Variants in ASCC2 observed in about 807,000 individuals in gnomAD.
The protein encoded by ASCC2 is activating signal cointegrator 1 complex subunit 2, also known as ASC-1 complex subunit P100.
In ASCC2, 42 loss-of-function variants were observed where a neutral mutation model predicts 93.5. The observed-to-expected ratio is 0.45, with a 90% CI of 0.35 to 0.58. The LOEUF (loss-of-function observed/expected upper bound fraction) is 0.58, where lower values mean the gene tolerates loss of function less well. ASCC2 is among the 20% of genes least tolerant of loss of function. The pLI, the probability that ASCC2 is intolerant of heterozygous loss-of-function variation, is 0.00. For missense variants in ASCC2, 859 were observed against 977.6 expected (o/e 0.88, Z 1.62); for synonymous variants, 364 against 384.2 (o/e 0.95, Z 0.62).
chr22:29,821,666 A>G (rs557965827), intron 5 of ASCC2, among the ~76,000 whole-genome samples: 1 of 152,304 alleles, frequency 6.6e-6, no homozygotes, highest in East Asian at 1.9e-4. Flanking sequence ...AAACTTCCCC[A>G]TTCCTATGTC....
rs375947944 is a variant in ASCC2, at chr22:29,832,587, C to CTTTTT, written c.-17-250_-17-246dup. The stretch of plus-strand genomic sequence containing the variant: ...ATGACTTCTGATATATTTCCACCCA[C>CTTTTT]TTTTTTTTTTTTTTTTTGAGATGGA... On this transcript the variant is annotated intron_variant, in intron 1 of 19. Transcript: ENST00000307790. The CTTTTT allele has an allele frequency of 6.0e-5, 12 of 200,284 alleles. No individual in the cohort carries two copies. The East Asian group carries it at 7.0e-4, about 12-fold the overall frequency. The allele number at this position is 200,284 out of a possible 1,614,324, so 12.4% of individuals were successfully genotyped here.
At chr22:29,806,617 CA>C (rs1320907687) in intron 10 of ASCC2, 64 bp from the exon 11 acceptor site, 5 of 1,521,214 alleles carry the variant, frequency 3.3e-6, no homozygotes, top group Non-Finnish European at 4.5e-6. Flanking sequence ...CTCCTTTACA[CA>C]CCCGCTGCCC....
At position 29,825,817 on chromosome 22, in the gene ASCC2, G is replaced by T. The variant is rs370619549; in HGVS notation, c.82-37C>A. ...AAAACCACGTGTTAACGTGGCAGAG[G>T]TTAGTCAGCGAGGGCCCATTTGCCA... On this transcript the variant is annotated intron_variant, in intron 2 of 19. Transcript: ENST00000307790. The surrounding 1 kb of genome is among the most constrained non-coding windows in gnomAD (Gnocchi z 4.9). 6.4e-6 allele frequency: 10 copies of T among 1,574,000 alleles called. No individual in the cohort carries two copies. Among genetic ancestry groups the T allele is most frequent in the African/African-American group, 1.4e-5 (1 of 74,006 alleles).
At chr22:29,793,713 A>T in intron 15 of ASCC2, 37 bp from the exon 16 acceptor site, 11 of 1,539,334 alleles carry the variant, frequency 7.1e-6, no homozygotes, top group Non-Finnish European at 9.6e-6. Flanking sequence ...AAGGAAAACC[A>T]TCAGGCTTGG....
Position 29,825,764 on chromosome 22 carries a change from G to C in ASCC2, c.98C>G (p.Ala33Gly). The C allele has an allele frequency of 6.2e-7, 1 of 1,610,176 alleles. No individual in the cohort carries two copies. Among genetic ancestry groups the C allele is most frequent in the Non-Finnish European group, 8.5e-7 (1 of 1,176,694 alleles). Residue 33 changes from alanine (A) to glycine (G), a missense_variant, in exon 3 of 20, where the codon GCA becomes GGA. Physicochemically the swap from Ala to Gly is moderately conservative, Grantham distance 60. Transcript: ENST00000307790. The surrounding 1 kb of genome is among the most constrained non-coding windows in gnomAD (Gnocchi z 4.9). Reference protein sequence around the residue: ...TSPALHPEQKADRYFVLYKPP... With the variant: ...TSPALHPEQKGDRYFVLYKPP... ...TTTGTATAACACAAAATACCGGTCT[G>C]CCTTCTGCTCGGGGTGCTACGGATC... is the stretch of plus-strand genomic sequence containing the variant.
Position 29,793,658 on chromosome 22 carries a change from G to A in ASCC2, c.1707C>T (p.Asn569=). The A allele has an allele frequency of 3.2e-6, 5 of 1,575,374 alleles. No homozygotes were observed. The highest frequency in any genetic ancestry group is 4.3e-6 in the Non-Finnish European group (5 of 1,161,666). ...HKGKSTRKEE[N]TRSLLNDKRA... ...GCTTGTCGTTCAGCAAACTCCGCGT[G>A]TTTTCCTCCTTCCTGGTGCTGAGAA... is the stretch of plus-strand genomic sequence containing the variant. The change falls in exon 16 of 20, where the codon AAC becomes AAT. Residue 569 remains asparagine (N), a synonymous_variant. Coordinates refer to ENST00000307790, the MANE Select transcript of ASCC2 (RefSeq NM_032204.5).
intron 5 of ASCC2, among the ~76,000 whole-genome samples, chr22:29,818,479 G>T (rs1247053569): frequency 1.1e-5 from 1 of 89,554 alleles, no homozygotes. Flanking sequence ...CACACACACA[G>T]TGAAGGGGCT....
At chr22:29,836,783 C>CCT (rs1264657508) in intron 1 of ASCC2, among the ~76,000 whole-genome samples, 2 of 152,136 alleles carry the variant, frequency 1.3e-5, no homozygotes, top group Non-Finnish European at 1.5e-5. Flanking sequence ...GAACTCCTGA[C>CCT]CTCAGGTGAT....
chr22:29,806,543 T>C lies in ASCC2; in HGVS notation c.1027A>G (p.Ile343Val). The stretch of plus-strand genomic sequence containing the variant: ...AGGAACTCTTCGATGAAGCCCTGAA[T>C]GTTGTCACAGCTAGAACAAGACACC... Reference protein sequence around the residue: ...LPILESSCDNIQGFIEEFLQI... With the variant: ...LPILESSCDNVQGFIEEFLQI... The change falls in exon 11 of 20, where the codon ATT becomes GTT. Residue 343 changes from isoleucine (I) to valine (V), a missense_variant. Physicochemically the swap from Ile to Val is conservative, Grantham distance 29 (BLOSUM62 3). Transcript: ENST00000307790. 6.2e-7 allele frequency: 1 copy of C among 1,613,626 alleles called. No homozygotes were observed. The highest frequency in any genetic ancestry group is 8.5e-7 in the Non-Finnish European group (1 of 1,179,756).
intron 6 of ASCC2, 56 bp from the exon 7 acceptor site, chr22:29,814,823 CT>C: frequency 2.8e-6 from 4 of 1,425,368 alleles, no homozygotes; most frequent in Non-Finnish European, 3.9e-6. Flanking sequence ...GCTAGGACCC[CT>C]GGCAGCAGCC....
At chr22:29,809,818 C>T (rs528701493) in intron 8 of ASCC2, 37 of 151,166 alleles carry the variant, frequency 2.4e-4, no homozygotes, top group Middle Eastern at 3.4e-3. Flanking sequence ...ATAATTTATA[C>T]GAAATTATTT....
At chr22:29,805,901 ATC>A (rs1177862880) in intron 12 of ASCC2, among the ~76,000 whole-genome samples, 1 of 151,294 alleles carries the variant, frequency 6.6e-6, no homozygotes, top group Non-Finnish European at 1.5e-5. Context: ...GTGACACTCT[ATC>A]TAACTGCCTG....
At chr22:29,813,658 G>A (rs145545955) in intron 7 of ASCC2, 116 bp from the exon 8 acceptor site, 1 of 713,486 alleles carries the variant, frequency 1.4e-6, no homozygotes, top group Non-Finnish European at 2.4e-6. Context: ...TGTTACACAG[G>A]AGGAAAAGAA....
rs944369049 is a variant in ASCC2, at chr22:29,825,466, T to C, written c.240+156A>G. The C allele has an allele frequency of 3.0e-5, 36 of 1,209,906 alleles. No homozygotes were observed. Among genetic ancestry groups the C allele is most frequent in the Non-Finnish European group, 3.6e-5 (31 of 852,442 alleles). The allele number at this position is 1,209,906 out of a possible 1,614,324, so 74.9% of individuals were successfully genotyped here. A position where few individuals can be genotyped will look rare whatever the true frequency, so the allele number is the denominator to read the frequency against. ...AGGTGTGTAAACATTAAGATTGTGA[T>C]ACAAGACAGAGCAATCCGAACCACA... is the stretch of plus-strand genomic sequence containing the variant. On this transcript the variant is annotated intron_variant, in intron 3 of 19. Coordinates refer to ENST00000307790, the MANE Select transcript of ASCC2 (RefSeq NM_032204.5). This position sits in a 1 kb window ranked among gnomAD's most constrained non-coding sequence, Gnocchi z 4.9.
At chr22:29,790,622 T>C in intron 18 of ASCC2, 74 bp from the exon 19 acceptor site, 20 of 1,480,514 alleles carry the variant, frequency 1.4e-5, no homozygotes, top group Non-Finnish European at 1.9e-5. Context: ...GAGGCCCTGC[T>C]CAAGTGAAGC....
chr22:29,806,638 G>T, intron 10 of ASCC2, 85 bp from the exon 11 acceptor site: 1 of 1,474,736 alleles, frequency 6.8e-7, no homozygotes, highest in Non-Finnish European at 9.4e-7. Flanking sequence ...CCTCTTTAAG[G>T]CTGGGGCCCA....
rs907683619 is a variant in ASCC2, at chr22:29,816,133, G to C, written c.542-60C>G. On this transcript the variant is annotated intron_variant, in intron 5 of 19. Transcript: ENST00000307790. ...AGGTGGGGGCTCGGGGCAGTGAAGA[G>C]GACACATTACAAATGGTTGCCAGCA... The C allele has an allele frequency of 2.2e-6, 3 of 1,357,766 alleles. No individual in the cohort carries two copies. In the Admixed American group the frequency reaches 5.9e-5, roughly 27 times the overall value. 84.1% of individuals were successfully genotyped at this position (1,357,766 alleles called of 1,614,324 possible). A position where few individuals can be genotyped will look rare whatever the true frequency, so the allele number is the denominator to read the frequency against.
chr22:29,815,947 T>C lies in ASCC2; in HGVS notation c.609+59A>G. ...GGAAAGTCAGGCAACACCATTGAGT[T>C]GGGGAGGTGGCCTATCCTCCAAGCT... On this transcript the variant is annotated intron_variant, in intron 6 of 19. Transcript: ENST00000307790. 3 of 1,399,720 alleles carry C rather than the reference T, an allele frequency of 2.1e-6. No homozygotes were observed. In the Admixed American group the frequency reaches 6.0e-5, roughly 28 times the overall value. 86.7% of individuals were successfully genotyped at this position (1,399,720 alleles called of 1,614,324 possible). A position where few individuals can be genotyped will look rare whatever the true frequency, so the allele number is the denominator to read the frequency against.
intron 8 of ASCC2, 69 bp downstream of exon 8, chr22:29,813,342 CAGTAAATATTTGTTAAATG>C (rs1345864467): frequency 6.2e-6 from 6 of 971,192 alleles, no homozygotes; most frequent in African/African-American, 3.2e-5. Flanking sequence ...TCTAAGCACC[CAGTAAATATTTGTTAAATG>C]AGTAAATATT....
Sources: allele counts gnomAD v4.1 joint callset (sites outside exome capture counted in the v4.1 genomes callset), GRCh38; gene constraint gnomAD v4.1.1; non-coding constraint Gnocchi (gnomAD v3.1); transcripts MANE v1.5; gene names NCBI Gene and HGNC (gene_info 2026-07-23, HGNC 2026-07-21).